Variants in ARHGEF15 observed in about 807,000 individuals in gnomAD.
ARHGEF15 encodes Rho guanine nucleotide exchange factor 15, also known as Rho guanine nucleotide exchange factor (GEF) 15.
Under a neutral mutation model 79.7 loss-of-function variants are expected in ARHGEF15, and 58 were observed. The observed-to-expected ratio is 0.73, with a 90% CI of 0.59 to 0.91. The LOEUF is 0.91. Ranked by LOEUF, ARHGEF15 falls within the 40% of genes least tolerant of loss-of-function variation. ARHGEF15 has a pLI of 0.00. For missense variants in ARHGEF15, 1,012 were observed against 1,108.1 expected (o/e 0.91, Z 1.23); for synonymous variants, 442 against 456.0 (o/e 0.97, Z 0.39).
rs1437455778 is a variant in ARHGEF15 at position 8,320,924 on chromosome 17, T to G, written c.2457T>G (p.Leu819=). 1 of 1,613,926 alleles carries G rather than the reference T, an allele frequency of 6.2e-7. No individual in the cohort carries two copies. The highest frequency in any genetic ancestry group is 1.7e-5 in the Admixed American group (1 of 60,006). Residue 819 remains leucine (L), a synonymous_variant, in exon 16 of 16, where the codon CTT becomes CTG. Coordinates refer to ENST00000361926, the MANE Select transcript of ARHGEF15 (RefSeq NM_173728.4). Reference sequence around the variant, plus strand: ...GGGAACACGAAAGGAGGAGGCACCTTCGCCAGAACCAGAGGCTTCTCGAGG... The same window carrying G: ...GGGAACACGAAAGGAGGAGGCACCTGCGCCAGAACCAGAGGCTTCTCGAGG... ...VTGEHERRRH[L]RQNQRLLEAV...
chr17:8,319,204 G>A (rs1049915479), intron 13 of ARHGEF15, 45 bp downstream of exon 13: 6 of 1,607,098 alleles, frequency 3.7e-6, no homozygotes, highest in Non-Finnish European at 5.1e-6. Context: ...ACACTTATCT[G>A]ACCTCTCAGA....
Position 8,315,598 on chromosome 17 carries a change from G to T in ARHGEF15, c.1421+24G>T. On this transcript the variant is annotated intron_variant, in intron 7 of 15. Transcript: ENST00000361926. The surrounding 1 kb of genome is among the most constrained non-coding windows in gnomAD (Gnocchi z 4.3). ...CGGTCAGTGGCTTTCCGTCCTTCCA[G>T]GGAACCTGCCCTTAGGCTGCTGGGC... The T allele has an allele frequency of 6.2e-7, 1 of 1,605,760 alleles. No homozygotes were observed. The highest frequency in any genetic ancestry group is 8.5e-7 in the Non-Finnish European group (1 of 1,179,786).
chr17:8,314,718 T>C (rs34013094), intron 4 of ARHGEF15, among the ~76,000 whole-genome samples, 188 bp from the exon 5 acceptor site: 53 of 112,786 alleles, frequency 4.7e-4, no homozygotes, highest in Non-Finnish European at 7.5e-4. Flanking sequence ...CTGGGCAACA[T>C]AACGAGACCT....
rs1904677021 is a variant in ARHGEF15, at chr17:8,312,270, C to T, written c.231C>T (p.Pro77=). 1 of 1,388,134 alleles carries T rather than the reference C, an allele frequency of 7.2e-7. No homozygotes were observed. Among genetic ancestry groups the T allele is most frequent in the Non-Finnish European group, 9.6e-7 (1 of 1,039,450 alleles). 86.0% of individuals were successfully genotyped at this position (1,388,134 alleles called of 1,614,324 possible). A position where few individuals can be genotyped will look rare whatever the true frequency, so the allele number is the denominator to read the frequency against. ...CCCTCAAGCCCCCTGCTCTTTTGCCCCCCTCAGCTTCTAGAGCCAGCCTCG... is the reference window on the plus strand; with the variant it reads ...CCCTCAAGCCCCCTGCTCTTTTGCCTCCCTCAGCTTCTAGAGCCAGCCTCG... ...AASLKPPALL[P]PSASRASLDS... is the part of the protein sequence containing the mutation. The change falls in exon 2 of 16, where the codon CCC becomes CCT. Residue 77 remains proline (P), a synonymous_variant. Coordinates refer to ENST00000361926, the MANE Select transcript of ARHGEF15 (RefSeq NM_173728.4).
At chr17:8,316,300 T>C in intron 9 of ARHGEF15, 152 bp downstream of exon 9, 3 of 1,281,958 alleles carry the variant, frequency 2.3e-6, no homozygotes, top group Non-Finnish European at 3.1e-6. Context: ...TCTCTCAGCC[T>C]AGGACTCACC....
In ARHGEF15 at chr17:8,315,308, G is replaced by A. The variant is rs764304903; in HGVS notation, c.1260+31G>A. The A allele has an allele frequency of 1.9e-6, 3 of 1,611,682 alleles. No homozygotes were observed. Among genetic ancestry groups the A allele is most frequent in the Admixed American group, 3.3e-5 (2 of 59,914 alleles). ...AGCTGGAGGTGGGAGATGGGAGGGG[G>A]GTGCTGGGGTTGGGCTGCATGGGTC... On this transcript the variant is annotated intron_variant, in intron 6 of 15. Transcript: ENST00000361926. This position sits in a 1 kb window ranked among gnomAD's most constrained non-coding sequence, Gnocchi z 4.3.
chr17:8,320,798 TC>T, intron 15 of ARHGEF15, 43 bp from the exon 16 acceptor site: 1 of 1,603,610 alleles, frequency 6.2e-7, no homozygotes, highest in Non-Finnish European at 8.5e-7. Flanking sequence ...CCTCACCTGC[TC>T]CCTGCCCCCA....
At position 8,315,338 on chromosome 17, in the gene ARHGEF15, A is replaced by G. The variant is rs1002632914; in HGVS notation, c.1260+61A>G. 20 of 1,611,576 alleles carry G rather than the reference A, an allele frequency of 1.2e-5. No homozygotes were observed. The highest frequency in any genetic ancestry group is 1.6e-5 in the Non-Finnish European group (19 of 1,178,616). Reference sequence around the variant, plus strand: ...TGGGGTTGGGCTGCATGGGTCAGGCATAGGGGAGGAGGGCCCAGGGTCCTA... The same window carrying G: ...TGGGGTTGGGCTGCATGGGTCAGGCGTAGGGGAGGAGGGCCCAGGGTCCTA... On this transcript the variant is annotated intron_variant, in intron 6 of 15. Coordinates refer to ENST00000361926, the MANE Select transcript of ARHGEF15 (RefSeq NM_173728.4). The surrounding 1 kb of genome is among the most constrained non-coding windows in gnomAD (Gnocchi z 4.3).
Position 8,312,070 on chromosome 17 carries a change from C to T in ARHGEF15, c.31C>T (p.Pro11Ser). The T allele has an allele frequency of 1.6e-6, 2 of 1,265,102 alleles. No homozygotes were observed. The highest frequency in any genetic ancestry group is 1.3e-5 in the South Asian group (1 of 77,948). The allele number at this position is 1,265,102 out of a possible 1,614,324, so 78.4% of individuals were successfully genotyped here. The change falls in exon 2 of 16, where the codon CCC becomes TCC. Residue 11 changes from proline to serine, a missense_variant. Coordinates refer to ENST00000361926, the MANE Select transcript of ARHGEF15 (RefSeq NM_173728.4). MSAQSLPAAT[P>S]PTQKPPRIIR... ...AGCCCAGTCCCTTCCTGCAGCAACA[C>T]CCCCCACGCAGAAGCCCCCTCGGAT...
At chr17:8,314,369 T>C (rs962347007) in intron 4 of ARHGEF15, among the ~76,000 whole-genome samples, 1 of 152,002 alleles carries the variant, frequency 6.6e-6, no homozygotes, top group East Asian at 1.9e-4. Flanking sequence ...CGAATGGGGG[T>C]GTGGTGGTGC....
intron 4 of ARHGEF15, 164 bp from the exon 5 acceptor site, chr17:8,314,742 C>CACA: frequency 3.4e-6 from 1 of 297,742 alleles, no homozygotes. Flanking sequence ...CTTTCCCCTT[C>CACA]AAAAAAAAAA....
intron 15 of ARHGEF15, among the ~76,000 whole-genome samples, chr17:8,319,966 T>TGG (rs200512364): frequency 0.021 from 3,071 of 143,018 alleles, 56 homozygotes; most frequent in South Asian, 0.06. Context: ...TTAATGGAGG[T>TGG]GGGGGGTCTC....
Position 8,311,973 on chromosome 17 carries a change from TC to T in ARHGEF15, c.-49-15del, listed in dbSNP as rs1268867037. ...GTGGGGCACTAAGGGTCTTTCTCTT[TC>T]CCTCCCTCCTCCTCAGGGGATGACT... is the stretch of plus-strand genomic sequence containing the variant. On this transcript the variant is annotated splice_polypyrimidine_tract_variant and intron_variant, in intron 1 of 15. Coordinates refer to ENST00000361926, the MANE Select transcript of ARHGEF15 (RefSeq NM_173728.4). 2.7e-6 allele frequency: 4 copies of T among 1,455,640 alleles called. No homozygotes were observed. In the South Asian group the frequency reaches 4.5e-5, roughly 16 times the overall value. The allele number at this position is 1,455,640 out of a possible 1,614,324, so 90.2% of individuals were successfully genotyped here. A position where few individuals can be genotyped will look rare whatever the true frequency, so the allele number is the denominator to read the frequency against.
At position 8,318,296 on chromosome 17, in the gene ARHGEF15, C is replaced by T. The variant is rs1487777441; in HGVS notation, c.1705-91C>T. 17 of 1,277,408 alleles carry T rather than the reference C, an allele frequency of 1.3e-5. No individual in the cohort carries two copies. The South Asian group carries it at 2.3e-4, about 18-fold the overall frequency. The allele number at this position is 1,277,408 out of a possible 1,614,324, so 79.1% of individuals were successfully genotyped here. ...GGTCTGTCAGCCTTGTTGAAACTGG[C>T]TGAAACAGACAGGGTCCTCTGAGCT... is the stretch of plus-strand genomic sequence containing the variant. On this transcript the variant is annotated intron_variant, in intron 9 of 15. Transcript: ENST00000361926. The surrounding 1 kb of genome is among the most constrained non-coding windows in gnomAD (Gnocchi z 5.0).
Position 8,321,008 on chromosome 17 carries a change from G to C in ARHGEF15, c.*15G>C, listed in dbSNP as rs147595569. On this transcript the variant is annotated 3_prime_UTR_variant, in exon 16 of 16. Transcript: ENST00000361926. ...CCCCACCCTAATGCAGGCTGAGGAG[G>C]GGGCACATGTTGGGAGACACCTACC... 6.2e-7 allele frequency: 1 copy of C among 1,613,908 alleles called. No homozygotes were observed. The highest frequency in any genetic ancestry group is 1.7e-5 in the Admixed American group (1 of 60,010).
intron 9 of ARHGEF15, 64 bp downstream of exon 9, chr17:8,316,212 T>A: frequency 6.4e-7 from 1 of 1,561,036 alleles, no homozygotes; most frequent in South Asian, 1.2e-5. Flanking sequence ...TCCCGAGGGC[T>A]TCTTGGCCCT....
Position 8,319,395 on chromosome 17 carries a change from G to A in ARHGEF15, c.2269+1G>A, listed in dbSNP as rs2151644696. The A allele has an allele frequency of 6.2e-7, 1 of 1,613,292 alleles. No individual in the cohort carries two copies. Among genetic ancestry groups the A allele is most frequent in the Non-Finnish European group, 8.5e-7 (1 of 1,179,698 alleles). Reference sequence around the variant, plus strand: ...CCAGACACCATCTATGAGGACTGTGGTGAGTATCCCCCTAGAGGGGATGAG... The same window carrying A: ...CCAGACACCATCTATGAGGACTGTGATGAGTATCCCCCTAGAGGGGATGAG... On this transcript the variant is annotated splice_donor_variant, in intron 14 of 15. Coordinates refer to ENST00000361926, the MANE Select transcript of ARHGEF15 (RefSeq NM_173728.4). LOFTEE classifies it high-confidence loss of function.
At position 8,318,164 on chromosome 17, in the gene ARHGEF15, T is replaced by A. The variant is rs1905147900; in HGVS notation, c.1705-223T>A. ...TTGCCTTCTTGAATCCTCAAAACAA[T>A]GCTATTGATATGCTAGGTGGGTATT... On this transcript the variant is annotated intron_variant, in intron 9 of 15. Coordinates refer to ENST00000361926, the MANE Select transcript of ARHGEF15 (RefSeq NM_173728.4). The surrounding 1 kb of genome is among the most constrained non-coding windows in gnomAD (Gnocchi z 5.0). 1.1e-5 allele frequency: 6 copies of A among 552,568 alleles called. No individual in the cohort carries two copies. The highest frequency in any genetic ancestry group is 1.9e-5 in the Non-Finnish European group (6 of 308,772). 34.2% of individuals were successfully genotyped at this position (552,568 alleles called of 1,614,324 possible).
At position 8,316,125 on chromosome 17, in the gene ARHGEF15, A is replaced by G. The variant is rs751583631; in HGVS notation, c.1681A>G (p.Thr561Ala). The G allele has an allele frequency of 1.2e-6, 2 of 1,602,314 alleles. No homozygotes were observed. The highest frequency in any genetic ancestry group is 8.5e-7 in the Non-Finnish European group (1 of 1,179,050). Residue 561 changes from threonine (T) to alanine (A), a missense_variant, in exon 9 of 16, where the codon ACC becomes GCC. Coordinates refer to ENST00000361926, the MANE Select transcript of ARHGEF15 (RefSeq NM_173728.4). Reference protein sequence around the residue: ...SFLLLPFQRITRLRMLLQNIL... With the variant: ...SFLLLPFQRIARLRMLLQNIL... ...CCTGCTACTGCCCTTCCAGCGCATC[A>G]CCCGGCTGCGCATGCTGCTGCAGGT...
Sources: allele counts gnomAD v4.1 joint callset (sites outside exome capture counted in the v4.1 genomes callset), GRCh38; gene constraint gnomAD v4.1.1; non-coding constraint Gnocchi (gnomAD v3.1); transcripts MANE v1.5; gene names NCBI Gene and HGNC (gene_info 2026-07-23, HGNC 2026-07-21).